TTC23: variants seen among roughly 807,000 people sequenced by gnomAD.
The protein encoded by TTC23 is tetratricopeptide repeat protein 23.
In TTC23, 58 loss-of-function variants were observed where a neutral mutation model predicts 55.1. The ratio of observed to expected loss-of-function variants is 1.05; its 90% CI spans 0.85 to 1.31. The LOEUF (loss-of-function observed/expected upper bound fraction) is 1.31. Ranked by LOEUF, TTC23 falls within the 50% of genes most tolerant of loss-of-function variation. The probability of loss-of-function intolerance (pLI) is 0.00; values close to 1 mark genes in which losing one functional copy is unlikely to be tolerated. For missense variants in TTC23, 516 were observed against 534.4 expected (o/e 0.97, Z 0.34); for synonymous variants, 203 against 199.9 (o/e 1.02, Z -0.13).
intron 8 of TTC23, among the ~76,000 whole-genome samples, chr15:99,215,146 G>A (rs1370162873): frequency 6.6e-6 from 1 of 151,734 alleles, no homozygotes. Context: ...ATGAGCCACC[G>A]TGCCTGACCT....
chr15:99,238,478 G>A (rs758293497), intron 3 of TTC23, among the ~76,000 whole-genome samples: 1 of 152,158 alleles, frequency 6.6e-6, no homozygotes, highest in Non-Finnish European at 1.5e-5. Context: ...AATCATTGCT[G>A]CTGCAATGAC....
intron 4 of TTC23, 115 bp from the exon 5 acceptor site, chr15:99,228,847 CAA>C (rs2078686299): frequency 1.2e-6 from 1 of 846,482 alleles, no homozygotes; most frequent in African/African-American, 1.7e-5. Flanking sequence ...CATTATATCC[CAA>C]AAGATTATGG....
chr15:99,214,728 C>T (rs2077321668), intron 8 of TTC23, among the ~76,000 whole-genome samples: 1 of 151,898 alleles, frequency 6.6e-6, no homozygotes. Flanking sequence ...CACACCCAGC[C>T]ATATCTTATG....
intron 9 of TTC23, among the ~76,000 whole-genome samples, chr15:99,179,051 T>C (rs1246556184): frequency 1.3e-5 from 2 of 152,088 alleles, no homozygotes; most frequent in African/African-American, 4.8e-5. Context: ...GGCACTGAGA[T>C]GGTAATTAAA....
intron 9 of TTC23, among the ~76,000 whole-genome samples, chr15:99,195,442 T>C (rs1476210494): frequency 6.6e-6 from 1 of 152,184 alleles, no homozygotes; most frequent in Non-Finnish European, 1.5e-5. Context: ...CTGGCTTGGA[T>C]ACTTGATGGA....
In TTC23 at chr15:99,169,312, A is replaced by G. The variant is rs532590680; in HGVS notation, c.865+5738T>C. 6.6e-5 allele frequency among the ~76,000 whole-genome samples: 10 copies of G among 152,100 alleles called. No homozygotes were observed. In the East Asian group the frequency reaches 2.0e-3, roughly 30 times the overall value. ...GGCAGTGGGAAGTCTGAAGGGAGAC[A>G]GGCAACTGGGGCGTGGCCAGCCATG... On this transcript the variant is annotated intron_variant, in intron 10 of 13. Coordinates refer to ENST00000394132, the MANE Select transcript of TTC23 (RefSeq NM_001288615.3).
intron 9 of TTC23, among the ~76,000 whole-genome samples, chr15:99,183,590 C>T (rs1001177401): frequency 1.3e-5 from 2 of 150,436 alleles, no homozygotes; most frequent in Non-Finnish European, 3.0e-5. Flanking sequence ...CCACCTGCCT[C>T]GGCCTCCCAA....
chr15:99,160,819 C>T (rs2071265917), intron 11 of TTC23: 1 of 151,970 alleles, frequency 6.6e-6, no homozygotes, highest in Non-Finnish European at 1.5e-5. Flanking sequence ...TCAAGATCAG[C>T]CTAGCCAAAT....
chr15:99,140,322 A>G (rs2068079865), intron 12 of TTC23: 1 of 152,248 alleles, frequency 6.6e-6, no homozygotes, highest in Non-Finnish European at 1.5e-5. Flanking sequence ...TGAAGGACTA[A>G]GTGTGAAATG....
chr15:99,234,005 T>A (rs2079121414), intron 4 of TTC23, among the ~76,000 whole-genome samples: 1 of 152,110 alleles, frequency 6.6e-6, no homozygotes, highest in South Asian at 2.1e-4. Flanking sequence ...ACCCCTTTGA[T>A]CTATATCTCA....
intron 8 of TTC23, among the ~76,000 whole-genome samples, chr15:99,212,187 A>T (rs961506126): frequency 6.6e-6 from 1 of 152,122 alleles, no homozygotes; most frequent in African/African-American, 2.4e-5. Context: ...GAGCTGGGGG[A>T]AAATCACATG....
At chr15:99,194,791 C>T (rs182940189) in intron 9 of TTC23, among the ~76,000 whole-genome samples, 159 of 152,148 alleles carry the variant, frequency 1.0e-3, no homozygotes, top group African/African-American at 3.5e-3. Flanking sequence ...CAAAATGAGC[C>T]GGGCATGGTG....
chr15:99,152,716 C>G (rs575860583), intron 12 of TTC23, among the ~76,000 whole-genome samples: 1 of 152,242 alleles, frequency 6.6e-6, no homozygotes, highest in African/African-American at 2.4e-5. Flanking sequence ...AATACACCAC[C>G]TCTTAGGGTT....
chr15:99,232,071 C>T (rs944511648), intron 4 of TTC23, among the ~76,000 whole-genome samples: 3 of 151,656 alleles, frequency 2.0e-5, no homozygotes, highest in Admixed American at 6.6e-5. Flanking sequence ...GGATTACAGG[C>T]ATGAGCCACC....
intron 4 of TTC23, among the ~76,000 whole-genome samples, chr15:99,232,047 C>T (rs1436513442): frequency 6.6e-6 from 1 of 151,724 alleles, no homozygotes; most frequent in African/African-American, 2.4e-5. Flanking sequence ...CCGCCTTGGC[C>T]GCCCAAAGTG....
chr15:99,222,393 C>T (rs568680259), intron 5 of TTC23, among the ~76,000 whole-genome samples: 1 of 152,294 alleles, frequency 6.6e-6, no homozygotes, highest in South Asian at 2.1e-4. Context: ...CCTCCCACCT[C>T]AGCCTCCTGA....
intron 2 of TTC23, among the ~76,000 whole-genome samples, chr15:99,244,225 G>T (rs1227374199): frequency 6.6e-6 from 1 of 152,160 alleles, no homozygotes; most frequent in Non-Finnish European, 1.5e-5. Flanking sequence ...TCCAAGATTG[G>T]AAACAAGGCA....
chr15:99,200,630 T>C (rs2076122048), intron 8 of TTC23, among the ~76,000 whole-genome samples: 1 of 152,156 alleles, frequency 6.6e-6, no homozygotes, highest in African/African-American at 2.4e-5. Context: ...GAGAATATAG[T>C]TTGGGCATAA....
chr15:99,245,595 TA>T (rs2080174565), intron 1 of TTC23, 85 bp from the exon 2 acceptor site: 1 of 151,902 alleles, frequency 6.6e-6, no homozygotes, highest in Non-Finnish European at 1.5e-5. Context: ...ATATGTGAAT[TA>T]TTTTTTTTAA....
Sources: allele counts gnomAD v4.1 joint callset (sites outside exome capture counted in the v4.1 genomes callset), GRCh38; gene constraint gnomAD v4.1.1; transcripts MANE v1.5; gene names NCBI Gene and HGNC (gene_info 2026-07-23, HGNC 2026-07-21).